Variants in COMMD10 observed in about 807,000 individuals in gnomAD.
The protein encoded by COMMD10 is COMM domain containing 10.
Under a neutral mutation model 28.9 loss-of-function variants are expected in COMMD10, and 33 were observed. The observed-to-expected ratio is 1.14, with a 90% CI of 0.87 to 1.53. COMMD10 has a LOEUF of 1.53. COMMD10 is among the 40% of genes most tolerant of loss of function. The pLI, the probability that COMMD10 is intolerant of heterozygous loss-of-function variation, is 0.00. For synonymous variants in COMMD10, 110 were observed against 81.7 expected (o/e 1.35, Z -1.87); for missense variants, 310 against 233.4 (o/e 1.33, Z -2.14).
chr5:116,117,269 T>C (rs2112745715), intron 4 of COMMD10, among the ~76,000 whole-genome samples: 1 of 152,322 alleles, frequency 6.6e-6, no homozygotes, highest in Admixed American at 6.5e-5. Context: ...ATTATATTTT[T>C]TTCCCTTGCG....
chr5:116,087,190 A>T (rs1436773412), intron 1 of COMMD10, among the ~76,000 whole-genome samples: 1 of 152,122 alleles, frequency 6.6e-6, no homozygotes, highest in African/African-American at 2.4e-5. Flanking sequence ...TTAAGTGTTT[A>T]TATAAACGCT....
At chr5:116,199,142 T>G (rs1050516124) in intron 5 of COMMD10, among the ~76,000 whole-genome samples, 6 of 152,120 alleles carry the variant, frequency 3.9e-5, no homozygotes, top group African/African-American at 1.4e-4. Context: ...TGTTCTAGAT[T>G]TTGGCCATTT....
At chr5:116,240,513 G>C (rs987158439) in intron 5 of COMMD10, among the ~76,000 whole-genome samples, 1 of 152,108 alleles carries the variant, frequency 6.6e-6, no homozygotes, top group Admixed American at 6.6e-5. Context: ...ATATTTAGGG[G>C]GTCATCATTC....
chr5:116,143,047 C>T (rs1752240868), intron 5 of COMMD10, among the ~76,000 whole-genome samples: 1 of 140,230 alleles, frequency 7.1e-6, no homozygotes, highest in Admixed American at 7.8e-5. Context: ...AATGTTTTCC[C>T]TCAATTTAAT....
intron 5 of COMMD10, among the ~76,000 whole-genome samples, chr5:116,138,518 AT>A (rs34427749): frequency 6.6e-6 from 1 of 151,638 alleles, no homozygotes; most frequent in African/African-American, 2.4e-5. Context: ...ATCTTAGTAC[AT>A]TTTTTTCCCC....
chr5:116,278,987 T>G (rs1750993200), intron 5 of COMMD10, among the ~76,000 whole-genome samples: 2 of 151,878 alleles, frequency 1.3e-5, no homozygotes. Context: ...CCAATATTTT[T>G]TTCCTTCAGG....
At chr5:116,168,432 A>G (rs1753205265) in intron 5 of COMMD10, among the ~76,000 whole-genome samples, 2 of 152,138 alleles carry the variant, frequency 1.3e-5, no homozygotes, top group South Asian at 4.2e-4. Flanking sequence ...AATGGGACAA[A>G]AAATTAATAA....
chr5:116,122,967 A>G (rs1354667674), intron 4 of COMMD10, among the ~76,000 whole-genome samples: 1 of 152,076 alleles, frequency 6.6e-6, no homozygotes, highest in Non-Finnish European at 1.5e-5. Context: ...AATACCCTTT[A>G]TTTCTTTCTC....
intron 5 of COMMD10, among the ~76,000 whole-genome samples, chr5:116,235,630 T>A (rs1184767750): frequency 6.6e-6 from 1 of 152,176 alleles, no homozygotes; most frequent in Non-Finnish European, 1.5e-5. Flanking sequence ...TATATAGAAT[T>A]CTGTTTTCAA....
Position 116,217,956 on chromosome 5 carries a change from T to G in COMMD10, c.511-73561T>G, listed in dbSNP as rs1749148608. 5.1e-6 allele frequency: 4 copies of G among 781,410 alleles called. No homozygotes were observed. The South Asian group carries it at 5.8e-5, about 11-fold the overall frequency. The allele number at this position is 781,410 out of a possible 1,614,324, so 48.4% of individuals were successfully genotyped here. ...ACAAAATTTTGCATTTTTATAAAAC[T>G]TGGTAAAAATAGTATTTCAAACTGT... On this transcript the variant is annotated intron_variant, in intron 5 of 6. Transcript: ENST00000274458.
In COMMD10 at chr5:116,223,367, AAT is replaced by A. The variant is rs2112646575; in HGVS notation, c.511-68148_511-68147del. The stretch of plus-strand genomic sequence containing the variant: ...CAATGTAATATGTGGAACAAAAAAA[AAT>A]AGTAAGGATATGGCTATCTATATTT... On this transcript the variant is annotated intron_variant, in intron 5 of 6. Coordinates refer to ENST00000274458, the MANE Select transcript of COMMD10 (RefSeq NM_016144.4). Among the ~76,000 whole-genome samples, 2 of 152,262 alleles carry A rather than the reference AAT, an allele frequency of 1.3e-5. 1 individual carries two copies. Among genetic ancestry groups the A allele is most frequent in the South Asian group, 4.1e-4 (2 of 4,832 alleles).
intron 5 of COMMD10, among the ~76,000 whole-genome samples, chr5:116,194,863 AAAAG>A (rs1181550341): frequency 6.6e-6 from 1 of 152,206 alleles, no homozygotes; most frequent in African/African-American, 2.4e-5. Context: ...CATAACCAAA[AAAAG>A]AAAACTACAG....
intron 5 of COMMD10, among the ~76,000 whole-genome samples, chr5:116,184,548 T>A (rs941823738): frequency 1.3e-5 from 2 of 151,982 alleles, no homozygotes; most frequent in Non-Finnish European, 2.9e-5. Context: ...TAGGGTACAG[T>A]CTCATCAATG....
intron 4 of COMMD10, among the ~76,000 whole-genome samples, chr5:116,116,789 G>T (rs1751254744): frequency 6.6e-6 from 1 of 150,706 alleles, no homozygotes; most frequent in South Asian, 2.1e-4. Flanking sequence ...CGCAATCTCG[G>T]CTCACTGCAA....
At chr5:116,097,175 A>C (rs1196583110) in intron 4 of COMMD10, among the ~76,000 whole-genome samples, 1 of 152,192 alleles carries the variant, frequency 6.6e-6, no homozygotes, top group African/African-American at 2.4e-5. Context: ...CAAATAAAGA[A>C]GTTGGAATGA....
chr5:116,218,543 A>G (rs989736573), intron 5 of COMMD10, among the ~76,000 whole-genome samples: 2 of 152,136 alleles, frequency 1.3e-5, no homozygotes, highest in Non-Finnish European at 1.5e-5. Context: ...GCAAAATGCA[A>G]TTTTCTAAAG....
intron 5 of COMMD10, among the ~76,000 whole-genome samples, chr5:116,209,148 C>T (rs1198576756): frequency 6.6e-6 from 1 of 151,768 alleles, no homozygotes; most frequent in East Asian, 1.9e-4. Flanking sequence ...TTGTAGTTTG[C>T]ACATTATATG....
At chr5:116,132,571 G>C (rs1751894644) in intron 4 of COMMD10, among the ~76,000 whole-genome samples, 1 of 152,088 alleles carries the variant, frequency 6.6e-6, no homozygotes, top group African/African-American at 2.4e-5. Context: ...GTGCCTAATG[G>C]AGAGGGATAG....
chr5:116,218,667 A>G (rs552808073), intron 5 of COMMD10, among the ~76,000 whole-genome samples: 1 of 152,268 alleles, frequency 6.6e-6, no homozygotes, highest in East Asian at 1.9e-4. Flanking sequence ...AAGCAAGGAA[A>G]GTAGAACCAT....
Sources: gnomAD v4.1 joint callset for allele counts (sites outside exome capture counted in the v4.1 genomes callset) on GRCh38, gnomAD v4.1.1 for gene constraint, MANE v1.5 for transcripts, NCBI Gene and HGNC (gene_info 2026-07-23, HGNC 2026-07-21) for gene names.